CHID1: variants seen among roughly 807,000 people sequenced by gnomAD.
CHID1 encodes the protein chitinase domain containing 1.
Under a neutral mutation model 55.4 loss-of-function variants are expected in CHID1, and 44 were observed. That is an observed-to-expected ratio of 0.79 (90% CI 0.62 to 1.02). CHID1 has a LOEUF of 1.02. CHID1 is among the 50% of genes least tolerant of loss of function. The probability of loss-of-function intolerance (pLI) is 0.00; values close to 1 mark genes in which losing one functional copy is unlikely to be tolerated. For missense variants in CHID1, 491 were observed against 515.3 expected, an observed-to-expected ratio of 0.95 and a Z score of 0.46; for synonymous variants, 216 against 212.9, an observed-to-expected ratio of 1.01 and a Z score of -0.13.
rs753896995 is a variant in CHID1, at chr11:876,891, C to T, written c.959+6257G>A. On this transcript the variant is annotated intron_variant, in intron 10 of 12. Coordinates refer to ENST00000323578, the MANE Select transcript of CHID1 (RefSeq NM_023947.4). ...AGGATGGGACGTGGGGACGGGCACT[C>T]TAGGGGCCCCTGAGACCCAGATCTC... Among the ~76,000 whole-genome samples, 22 of 152,166 alleles carry T rather than the reference C, an allele frequency of 1.4e-4. 1 individual carries two copies. Among genetic ancestry groups the T allele is most frequent in the Non-Finnish European group, 2.4e-4 (16 of 67,994 alleles).
At chr11:872,992 G>T (rs573104178) in intron 10 of CHID1, among the ~76,000 whole-genome samples, 1 of 152,202 alleles carries the variant, frequency 6.6e-6, no homozygotes, top group Non-Finnish European at 1.5e-5. Context: ...AGTGGGTGGT[G>T]ACCACGCTGT....
chr11:903,827 G>A (rs995942542), intron 2 of CHID1: 32 of 189,696 alleles, frequency 1.7e-4, no homozygotes, highest in Non-Finnish European at 2.8e-4. Flanking sequence ...CACCATGCTG[G>A]CCAACCACTG....
At chr11:871,213 G>T (rs1193466867) in intron 10 of CHID1, among the ~76,000 whole-genome samples, 1 of 152,010 alleles carries the variant, frequency 6.6e-6, no homozygotes, top group Non-Finnish European at 1.5e-5. Context: ...AGCTGGTCTC[G>T]AACTCCTGAC....
Position 875,163 on chromosome 11 carries a change from T to C in CHID1, c.960-4664A>G, listed in dbSNP as rs1481238279. Among the ~76,000 whole-genome samples, 3 of 152,252 alleles carry C rather than the reference T, an allele frequency of 2.0e-5. No individual in the cohort carries two copies. Among genetic ancestry groups the C allele is most frequent in the Admixed American group, 2.0e-4 (3 of 15,288 alleles). On this transcript the variant is annotated intron_variant, in intron 10 of 12. Transcript: ENST00000323578. The surrounding 1 kb of genome is among the most constrained non-coding windows in gnomAD (Gnocchi z 4.7). ...CTGAAGGGAGGACATAGCTGATGGCTGGCCCTCCCCAAGCCCACCCTGCAG... is the reference window on the plus strand; with the variant it reads ...CTGAAGGGAGGACATAGCTGATGGCCGGCCCTCCCCAAGCCCACCCTGCAG...
Position 868,169 on chromosome 11 carries a change from CCTCA to C in CHID1, c.*1685_*1688del, listed in dbSNP as rs1242518582. 6.6e-6 allele frequency: 1 copy of C among 152,074 alleles called. No homozygotes were observed. Among genetic ancestry groups the C allele is most frequent in the Admixed American group, 6.6e-5 (1 of 15,252 alleles). 9.4% of individuals were successfully genotyped at this position (152,074 alleles called of 1,614,324 possible). On this transcript the variant is annotated 3_prime_UTR_variant, in exon 13 of 13. Coordinates refer to ENST00000323578, the MANE Select transcript of CHID1 (RefSeq NM_023947.4). ...CCTCCCAGACCTGCGTGTCCCCCAC[CCTCA>C]CTCCAACAGAAGCCACAGGACCCCC...
intron 8 of CHID1, among the ~76,000 whole-genome samples, chr11:884,806 G>A (rs780054601): frequency 6.6e-5 from 10 of 152,226 alleles, no homozygotes; most frequent in South Asian, 6.2e-4. Context: ...CATGGGCACC[G>A]CGGAGGAAGC....
chr11:877,587 T>C (rs1849598326), intron 10 of CHID1, among the ~76,000 whole-genome samples: 1 of 152,214 alleles, frequency 6.6e-6, no homozygotes, highest in African/African-American at 2.4e-5. Context: ...TCTTGTGCAG[T>C]GAGTGAGCCC....
chr11:909,905 C>T lies in CHID1; in HGVS notation c.-44+870G>A, dbSNP rs116937828. ...TGAAACCCAGTCTCTAAAAAAGATA[C>T]AAAAATTAGCTGGGTGCAGTGGTGT... On this transcript the variant is annotated intron_variant, in intron 1 of 12. Transcript: ENST00000323578. Among the ~76,000 whole-genome samples, 52 of 152,148 alleles carry T rather than the reference C, an allele frequency of 3.4e-4. No homozygotes were observed. In the East Asian group the frequency reaches 7.5e-3, roughly 22 times the overall value.
intron 1 of CHID1, among the ~76,000 whole-genome samples, chr11:906,715 C>G (rs528432359): frequency 2.0e-5 from 3 of 152,066 alleles, no homozygotes; most frequent in East Asian, 1.9e-4. Context: ...ATGCCCTTCA[C>G]GTGGAAGCTT....
Position 894,444 on chromosome 11 carries a change from G to A in CHID1, c.609-925C>T, listed in dbSNP as rs1851107531. Among the ~76,000 whole-genome samples, 3 of 152,148 alleles carry A rather than the reference G, an allele frequency of 2.0e-5. No individual in the cohort carries two copies. In the South Asian group the frequency reaches 6.2e-4, roughly 31 times the overall value. On this transcript the variant is annotated intron_variant, in intron 7 of 12. Transcript: ENST00000323578. ...GACCCCAGGCCGGCCGTGTGCACAC[G>A]CTGGTGCCCATGAGTCTACCCTGCA...
At chr11:906,501 C>T (rs1852225592) in intron 1 of CHID1, among the ~76,000 whole-genome samples, 2 of 152,118 alleles carry the variant, frequency 1.3e-5, no homozygotes, top group Non-Finnish European at 2.9e-5. Context: ...CCAAAATGAG[C>T]CACCGCGCCC....
intron 10 of CHID1, among the ~76,000 whole-genome samples, chr11:876,739 C>T (rs539776881): frequency 1.2e-4 from 19 of 152,336 alleles, no homozygotes; most frequent in African/African-American, 4.6e-4. Flanking sequence ...CACGTGTGAG[C>T]GAGTCTTGGC....
At chr11:886,065 C>T (rs1041092455) in intron 8 of CHID1, among the ~76,000 whole-genome samples, 3 of 146,828 alleles carry the variant, frequency 2.0e-5, no homozygotes, top group African/African-American at 7.6e-5. Context: ...AGGAGAATGG[C>T]GTGTGAAACC....
At chr11:880,727 C>A (rs887486772) in intron 10 of CHID1, among the ~76,000 whole-genome samples, 2 of 152,188 alleles carry the variant, frequency 1.3e-5, no homozygotes, top group Non-Finnish European at 2.9e-5. Context: ...GGCTGACACA[C>A]GCACACACCC....
intron 9 of CHID1, 61 bp from the exon 10 acceptor site, chr11:883,364 T>C (rs574630315): frequency 8.4e-5 from 129 of 1,527,744 alleles, no homozygotes; most frequent in Middle Eastern, 3.6e-4. Flanking sequence ...TGAGCCATCA[T>C]TGGGGCCCTC....
intron 1 of CHID1, among the ~76,000 whole-genome samples, chr11:906,078 C>A (rs1852190215): frequency 6.6e-6 from 1 of 151,286 alleles, no homozygotes; most frequent in African/African-American, 2.4e-5. Context: ...CTCTGGGATC[C>A]CAGCCACCAC....
At chr11:910,871 C>G, upstream of CHID1, 1 of 1,066,430 alleles carries the variant, frequency 9.4e-7, no homozygotes, top group Non-Finnish European at 1.1e-6. Context: ...GCCGCCGCCG[C>G]GCACGGCACG....
chr11:889,339 T>C (rs1229577511), intron 8 of CHID1, among the ~76,000 whole-genome samples: 1 of 152,024 alleles, frequency 6.6e-6, no homozygotes, highest in East Asian at 1.9e-4. Flanking sequence ...TGCCCCCTCT[T>C]CCCTCGGCCG....
intron 5 of CHID1, among the ~76,000 whole-genome samples, chr11:900,683 G>A (rs1269728006): frequency 6.6e-6 from 1 of 152,144 alleles, no homozygotes; most frequent in Non-Finnish European, 1.5e-5. Context: ...GAACAATTAG[G>A]GCAATGCCAC....
Sources: allele counts gnomAD v4.1 joint callset (sites outside exome capture counted in the v4.1 genomes callset), GRCh38; gene constraint gnomAD v4.1.1; non-coding constraint Gnocchi (gnomAD v3.1); transcripts MANE v1.5; gene names NCBI Gene and HGNC (gene_info 2026-07-23, HGNC 2026-07-21).